The following USP34 variants were observed in gnomAD, a reference collection of about 807,000 sequenced individuals.
The protein encoded by USP34 is ubiquitin specific peptidase 34, also known as ubiquitin carboxyl-terminal hydrolase 34.
USP34 carries 70 observed loss-of-function variants against 460.3 expected under a neutral mutation model. The ratio of observed to expected loss-of-function variants is 0.15; its 90% CI spans 0.13 to 0.19. USP34 has a LOEUF of 0.19. Ranked by LOEUF, USP34 falls within the 10% of genes least tolerant of loss-of-function variation. The pLI, the probability that USP34 is intolerant of heterozygous loss-of-function variation, is 1.00. For missense variants in USP34, 3,985 were observed against 4,236.2 expected (o/e 0.94, Z 1.65); for synonymous variants, 1,647 against 1,405.3 (o/e 1.17, Z -3.85).
intron 1 of USP34, among the ~76,000 whole-genome samples, chr2:61,462,549 C>CA (rs112630836): frequency 0.028 from 2,897 of 104,206 alleles, 58 homozygotes; most frequent in African/African-American, 0.065. Flanking sequence ...ACTCCGTCTC[C>CA]AAAAAAAAAA....
chr2:61,451,798 T>C (rs2104066052), intron 1 of USP34, among the ~76,000 whole-genome samples: 1 of 152,266 alleles, frequency 6.6e-6, no homozygotes, highest in Non-Finnish European at 1.5e-5. Context: ...AAATTAATGT[T>C]AGATCCTACT....
At chr2:61,331,189 A>G in intron 20 of USP34, 87 bp downstream of exon 20, 3 of 1,132,704 alleles carry the variant, frequency 2.6e-6, no homozygotes, top group South Asian at 3.2e-5. Context: ...TACTTATTAT[A>G]TGAAAAAAAG....
chr2:61,362,861 T>G (rs1219479077), intron 10 of USP34, among the ~76,000 whole-genome samples: 1 of 152,230 alleles, frequency 6.6e-6, no homozygotes, highest in African/African-American at 2.4e-5. Flanking sequence ...ACACCTTAAA[T>G]ACATAATTTT....
intron 5 of USP34, among the ~76,000 whole-genome samples, chr2:61,391,303 A>T (rs1693338439): frequency 6.6e-6 from 1 of 152,066 alleles, no homozygotes; most frequent in African/African-American, 2.4e-5. Context: ...AAAATTAGCC[A>T]GTCTCAAAAT....
chr2:61,372,697 C>T (rs1692665234), intron 8 of USP34, among the ~76,000 whole-genome samples: 1 of 152,092 alleles, frequency 6.6e-6, no homozygotes, highest in South Asian at 2.1e-4. Context: ...GGCAACAGAG[C>T]AAGACACTGT....
intron 1 of USP34, among the ~76,000 whole-genome samples, chr2:61,446,750 C>A (rs945580561): frequency 4.7e-5 from 7 of 149,362 alleles, no homozygotes; most frequent in African/African-American, 1.7e-4. Flanking sequence ...GAGCCGAGAT[C>A]GTGCCACTAC....
In USP34 at chr2:61,220,303, G is replaced by T; in HGVS notation, c.8047+7C>A. The T allele has an allele frequency of 1.3e-6, 2 of 1,592,742 alleles. No individual in the cohort carries two copies. Among genetic ancestry groups the T allele is most frequent in the Non-Finnish European group, 1.7e-6 (2 of 1,172,790 alleles). On this transcript the variant is annotated splice_region_variant and intron_variant, in intron 67 of 79. Coordinates refer to ENST00000398571, the MANE Select transcript of USP34 (RefSeq NM_014709.4). ...ATGGTTTATGAAATTCTAAATATTT[G>T]ACTTACAAGTCCTCACTCTAGGATA...
intron 48 of USP34, among the ~76,000 whole-genome samples, chr2:61,251,192 T>G (rs1201983060): frequency 6.6e-6 from 1 of 152,112 alleles, no homozygotes; most frequent in Middle Eastern, 3.2e-3. Context: ...CTGTAAAAAC[T>G]TGGTAGTAAA....
At chr2:61,394,206 T>A (rs1693444956) in intron 5 of USP34, among the ~76,000 whole-genome samples, 1 of 152,186 alleles carries the variant, frequency 6.6e-6, no homozygotes, top group Non-Finnish European at 1.5e-5. Flanking sequence ...AAGAATTACC[T>A]TATTTTCAAA....
intron 61 of USP34, among the ~76,000 whole-genome samples, chr2:61,228,166 T>A (rs75734319): frequency 3.9e-5 from 6 of 152,212 alleles, no homozygotes; most frequent in African/African-American, 1.4e-4. Context: ...AGGGTACTTA[T>A]CTCTTATGGT....
At chr2:61,356,479 A>ACACACGCG (rs1692109962) in intron 10 of USP34, among the ~76,000 whole-genome samples, 1 of 140,764 alleles carries the variant, frequency 7.1e-6, no homozygotes, top group African/African-American at 2.6e-5. Flanking sequence ...GAAAGCGCAC[A>ACACACGCG]CACACACACA....
At chr2:61,245,917 A>C (rs1688405636) in intron 50 of USP34, among the ~76,000 whole-genome samples, 1 of 152,214 alleles carries the variant, frequency 6.6e-6, no homozygotes, top group South Asian at 2.1e-4. Context: ...TTAACTTGAT[A>C]AAAGGATAAA....
chr2:61,451,111 C>T (rs1026739081), intron 1 of USP34, among the ~76,000 whole-genome samples: 9 of 147,586 alleles, frequency 6.1e-5, no homozygotes, highest in African/African-American at 2.0e-4. Context: ...ATTCCAGCTA[C>T]TCGGGACGCT....
chr2:61,199,535 C>T lies in USP34; in HGVS notation c.9508+3605G>A, dbSNP rs190528077. Among the ~76,000 whole-genome samples the T allele has an allele frequency of 6.6e-5, 10 of 152,310 alleles. No homozygotes were observed. The East Asian group carries it at 1.7e-3, about 26-fold the overall frequency. On this transcript the variant is annotated intron_variant, in intron 75 of 79. Transcript: ENST00000398571. ...CCTCCCAAAGTGCTGGGATTATAGGCGCAAGCCACTGTGCCCTGCCCCCAA... is the reference window on the plus strand; with the variant it reads ...CCTCCCAAAGTGCTGGGATTATAGGTGCAAGCCACTGTGCCCTGCCCCCAA...
intron 68 of USP34, 120 bp from the exon 69 acceptor site, chr2:61,212,049 T>C: frequency 7.9e-7 from 1 of 1,262,182 alleles, no homozygotes; most frequent in Non-Finnish European, 1.1e-6. Context: ...AGATTATACT[T>C]CCATTCAGAA....
chr2:61,377,069 G>T (rs1692820335), intron 8 of USP34, among the ~76,000 whole-genome samples: 1 of 152,094 alleles, frequency 6.6e-6, no homozygotes, highest in Non-Finnish European at 1.5e-5. Flanking sequence ...CACTTTAAGG[G>T]GATCACTGAC....
intron 1 of USP34, among the ~76,000 whole-genome samples, chr2:61,463,408 CCTA>C (rs1489746101): frequency 1.3e-5 from 2 of 152,118 alleles, no homozygotes; most frequent in African/African-American, 4.8e-5. Flanking sequence ...CTTTTGAATT[CCTA>C]CTACAATTAT....
At chr2:61,365,856 T>TA (rs1692420645) in intron 10 of USP34, among the ~76,000 whole-genome samples, 1 of 152,138 alleles carries the variant, frequency 6.6e-6, no homozygotes, top group Non-Finnish European at 1.5e-5. Context: ...TACTTTATAA[T>TA]AAAAAGAACA....
intron 51 of USP34, among the ~76,000 whole-genome samples, chr2:61,244,653 G>C (rs1572866565): frequency 6.6e-6 from 1 of 150,764 alleles, no homozygotes; most frequent in South Asian, 2.1e-4. Context: ...TCTCAATTAT[G>C]TCACATAGAA....
Sources: allele counts gnomAD v4.1 joint callset (sites outside exome capture counted in the v4.1 genomes callset), GRCh38; gene constraint gnomAD v4.1.1; transcripts MANE v1.5; gene names NCBI Gene and HGNC (gene_info 2026-07-23, HGNC 2026-07-21).